Variants in SUCLA2 observed in about 807,000 individuals in gnomAD.
The protein encoded by SUCLA2 is succinate--CoA ligase [ADP-forming] subunit beta, mitochondrial.
A neutral mutation model predicts 54.8 loss-of-function variants in SUCLA2; 30 were observed. The ratio of observed to expected loss-of-function variants is 0.55; its 90% CI spans 0.41 to 0.74. The LOEUF (loss-of-function observed/expected upper bound fraction) is 0.74, where lower values mean the gene tolerates loss of function less well. Ranked by LOEUF, SUCLA2 falls within the 30% of genes least tolerant of loss-of-function variation. The probability of loss-of-function intolerance (pLI) is 0.00; values close to 1 mark genes in which losing one functional copy is unlikely to be tolerated. For missense variants in SUCLA2, 476 were observed against 562.9 expected (o/e 0.85, Z 1.56); for synonymous variants, 172 against 188.9 (o/e 0.91, Z 0.74).
chr13:47,986,840 T>C (rs1221298977), intron 4 of SUCLA2, among the ~76,000 whole-genome samples: 2 of 152,178 alleles, frequency 1.3e-5, no homozygotes, highest in East Asian at 3.9e-4. Context: ...TTCTAATGAT[T>C]AGTTAATTCC....
chr13:47,986,878 A>G (rs1177920607), intron 4 of SUCLA2, among the ~76,000 whole-genome samples: 2 of 152,196 alleles, frequency 1.3e-5, no homozygotes, highest in African/African-American at 4.8e-5. Flanking sequence ...CTCAATCACA[A>G]GTGCTCTTTG....
At chr13:47,960,308 T>C (rs973273787) in intron 6 of SUCLA2, among the ~76,000 whole-genome samples, 54 of 152,306 alleles carry the variant, frequency 3.5e-4, no homozygotes, top group Admixed American at 6.5e-5. Context: ...TAAGCTACTG[T>C]GGTCAAGCCT....
chr13:47,984,872 GTAAAGT>G (rs1950088534), intron 4 of SUCLA2, among the ~76,000 whole-genome samples: 1 of 152,090 alleles, frequency 6.6e-6, no homozygotes, highest in Admixed American at 6.6e-5. Context: ...ACTATTTCAG[GTAAAGT>G]CAAAAATTGA....
chr13:47,976,299 C>G (rs1950012319), intron 4 of SUCLA2, among the ~76,000 whole-genome samples: 1 of 152,134 alleles, frequency 6.6e-6, no homozygotes, highest in Admixed American at 6.5e-5. Flanking sequence ...CAGGTAAGCT[C>G]AAAGCCAAGA....
At chr13:47,993,432 C>T (rs185831135) in intron 2 of SUCLA2, among the ~76,000 whole-genome samples, 1 of 152,290 alleles carries the variant, frequency 6.6e-6, no homozygotes, top group East Asian at 1.9e-4. Context: ...TTTGGGGACT[C>T]ATATAGTCTT....
At chr13:48,001,117 C>A (rs548473262) in intron 1 of SUCLA2, 63 bp downstream of exon 1, 2 of 1,547,134 alleles carry the variant, frequency 1.3e-6, no homozygotes, top group African/African-American at 2.7e-5. Flanking sequence ...GGCCACGGGA[C>A]CCCTCACACC....
At position 47,949,588 on chromosome 13, in the gene SUCLA2, C is replaced by T. The variant is rs1593477375; in HGVS notation, c.1123G>A (p.Val375Ile). Reference protein sequence around the residue: ...TSDKKVLAILVNIFGGIMRCD... With the variant: ...TSDKKVLAILINIFGGIMRCD... ...CGCATGATTCCTCCAAAAATGTTGACCAGAATAGCCAGTACCTATGAATAA... is the reference window on the plus strand; with the variant it reads ...CGCATGATTCCTCCAAAAATGTTGATCAGAATAGCCAGTACCTATGAATAA... Residue 375 changes from valine to isoleucine, a missense_variant, in exon 9 of 11, where the codon GTC becomes ATC. Coordinates refer to ENST00000646932, the MANE Select transcript of SUCLA2 (RefSeq NM_003850.3). 1 of 1,613,266 alleles carries T rather than the reference C, an allele frequency of 6.2e-7. No homozygotes were observed. The highest frequency in any genetic ancestry group is 8.5e-7 in the Non-Finnish European group (1 of 1,179,508).
chr13:47,956,905 T>C (rs539579690), intron 6 of SUCLA2: 1 of 152,238 alleles, frequency 6.6e-6, no homozygotes, highest in South Asian at 2.1e-4. Flanking sequence ...ACAACAAAAA[T>C]ATATGAGCAA....
chr13:47,983,935 A>G, intron 4 of SUCLA2, among the ~76,000 whole-genome samples: 1 of 152,208 alleles, frequency 6.6e-6, no homozygotes, highest in South Asian at 2.1e-4. Flanking sequence ...GTTAGAAAAA[A>G]AAGGAAACAA....
intron 1 of SUCLA2, among the ~76,000 whole-genome samples, chr13:47,997,265 A>G (rs1198351647): frequency 6.7e-6 from 1 of 149,522 alleles, no homozygotes; most frequent in Non-Finnish European, 1.5e-5. Context: ...CAGCTTTACT[A>G]TCATATCTCC....
At chr13:47,965,512 CAAACAAAAAAAAA>C (rs1566085319) in intron 6 of SUCLA2, 3 of 358,814 alleles carry the variant, frequency 8.4e-6, no homozygotes, top group South Asian at 1.5e-4. Flanking sequence ...AAAAAACAAA[CAAACAAAAAAAAA>C]AAACAAAGAA....
intron 4 of SUCLA2, among the ~76,000 whole-genome samples, chr13:47,984,448 C>A (rs906452804): frequency 2.7e-4 from 41 of 151,938 alleles, no homozygotes; most frequent in Non-Finnish European, 4.3e-4. Flanking sequence ...ATGATCCGCC[C>A]GCCTCAGCCT....
intron 6 of SUCLA2, among the ~76,000 whole-genome samples, chr13:47,963,649 C>T (rs1042872432): frequency 7.0e-4 from 15 of 21,310 alleles, no homozygotes; most frequent in East Asian, 5.8e-3. Flanking sequence ...TGTCCCAAAA[C>T]AAACAAACAA....
intron 6 of SUCLA2, among the ~76,000 whole-genome samples, chr13:47,965,849 C>T (rs779988825): frequency 2.0e-5 from 3 of 152,308 alleles, no homozygotes; most frequent in Non-Finnish European, 2.9e-5. Context: ...GAGATCAAGA[C>T]CATCCTGGCT....
intron 2 of SUCLA2, chr13:47,991,609 G>C (rs1950149579): frequency 6.6e-6 from 1 of 152,168 alleles, no homozygotes; most frequent in African/African-American, 2.4e-5. Flanking sequence ...AGGCCCAGGA[G>C]GGCAGAATCT....
chr13:47,998,402 A>G (rs1311614916), intron 1 of SUCLA2, among the ~76,000 whole-genome samples: 1 of 152,144 alleles, frequency 6.6e-6, no homozygotes, highest in East Asian at 1.9e-4. Context: ...ATGTATCAAT[A>G]GAAATTAGTC....
At chr13:47,962,230 A>G (rs982839559) in intron 6 of SUCLA2, among the ~76,000 whole-genome samples, 1 of 152,224 alleles carries the variant, frequency 6.6e-6, no homozygotes, top group Non-Finnish European at 1.5e-5. Context: ...GGATACTTTA[A>G]TAAGTAGAAT....
chr13:47,980,646 C>T (rs866121446), intron 4 of SUCLA2, among the ~76,000 whole-genome samples: 2 of 149,804 alleles, frequency 1.3e-5, no homozygotes, highest in Admixed American at 6.6e-5. Flanking sequence ...AAAACAATCT[C>T]GAGAAAAAAA....
chr13:47,981,257 G>T (rs749125509), intron 4 of SUCLA2, among the ~76,000 whole-genome samples: 2 of 151,832 alleles, frequency 1.3e-5, no homozygotes, highest in African/African-American at 2.4e-5. Context: ...AACCAAAAAA[G>T]TAAAAAATAA....
Sources: gnomAD v4.1 joint callset for allele counts (sites outside exome capture counted in the v4.1 genomes callset) on GRCh38, gnomAD v4.1.1 for gene constraint, MANE v1.5 for transcripts, NCBI Gene and HGNC (gene_info 2026-07-23, HGNC 2026-07-21) for gene names.